PCDHGB3: variants seen among roughly 807,000 people sequenced by gnomAD.
The protein encoded by PCDHGB3 is protocadherin gamma subfamily B, 3.
PCDHGB3 carries 40 observed loss-of-function variants against 59.2 expected under a neutral mutation model. The ratio of observed to expected loss-of-function variants is 0.68; its 90% CI spans 0.52 to 0.88. The LOEUF is 0.88. Ranked by LOEUF, PCDHGB3 falls within the 40% of genes least tolerant of loss-of-function variation. The pLI, the probability that PCDHGB3 is intolerant of heterozygous loss-of-function variation, is 0.00. For missense variants in PCDHGB3, 1,309 were observed against 1,187.9 expected, an observed-to-expected ratio of 1.10 and a Z score of -1.50; for synonymous variants, 581 against 503.6, an observed-to-expected ratio of 1.15 and a Z score of -2.06.
intron 1 of PCDHGB3, chr5:141,413,287 T>C (rs937508313): frequency 6.2e-7 from 1 of 1,613,950 alleles, no homozygotes. Flanking sequence ...GATCTCCTAC[T>C]CAATTCCTGA....
chr5:141,504,180 A>G (rs1195970606), intron 2 of PCDHGB3, among the ~76,000 whole-genome samples: 1 of 152,236 alleles, frequency 6.6e-6, no homozygotes, highest in Non-Finnish European at 1.5e-5. Context: ...ATTCAAAAAA[A>G]TCATGAAAAT....
intron 1 of PCDHGB3, among the ~76,000 whole-genome samples, chr5:141,492,927 G>A (rs925569925): frequency 2.0e-5 from 3 of 152,180 alleles, no homozygotes; most frequent in Admixed American, 6.5e-5. Context: ...AGCGATCTAG[G>A]GTCAGAGATT....
chr5:141,388,712 G>C (rs1345089798), intron 1 of PCDHGB3: 6 of 1,613,868 alleles, frequency 3.7e-6, no homozygotes, highest in Non-Finnish European at 5.1e-6. Flanking sequence ...TCAATGCCGA[G>C]ATTACTTTCT....
In PCDHGB3 at chr5:141,403,923, G is replaced by T. The variant is rs199643799; in HGVS notation, c.2415+31114G>T. 1.2e-3 allele frequency: 1,935 copies of T among 1,613,900 alleles called. 4 individuals carry two copies. Among genetic ancestry groups the T allele is most frequent in the Non-Finnish European group, 1.5e-3 (1,744 of 1,179,882 alleles). On this transcript the variant is annotated intron_variant, in intron 1 of 3. Transcript: ENST00000576222. The stretch of plus-strand genomic sequence containing the variant: ...GAAATGGAAATACAAGCTGAAGATG[G>T]TGGGGGATTGAAAGGGTGGACAAAA...
At chr5:141,433,298 A>G in intron 1 of PCDHGB3, 7 of 1,015,894 alleles carry the variant, frequency 6.9e-6, no homozygotes, top group Non-Finnish European at 1.0e-5. Context: ...GGCTCAAGCA[A>G]TTATCCCACC....
At position 141,402,613 on chromosome 5, in the gene PCDHGB3, A is replaced by G. The variant is rs145557523; in HGVS notation, c.2415+29804A>G. Among the ~76,000 whole-genome samples the G allele has an allele frequency of 3.8e-3, 581 of 152,376 alleles. 6 individuals are homozygous for G. Among genetic ancestry groups the G allele is most frequent in the Admixed American group, 0.011 (170 of 15,298 alleles). The stretch of plus-strand genomic sequence containing the variant: ...AGATTGCTTTTGAAATACAAATGCA[A>G]GAAACAATTGGAGAAATCTAAAATC... On this transcript the variant is annotated intron_variant, in intron 1 of 3. Coordinates refer to ENST00000576222, the MANE Select transcript of PCDHGB3 (RefSeq NM_018924.5).
chr5:141,413,639 G>A (rs893578830), intron 1 of PCDHGB3: 2 of 1,613,854 alleles, frequency 1.2e-6, no homozygotes, highest in Non-Finnish European at 1.7e-6. Context: ...GCGGGAATGC[G>A]TTTTCCTCTC....
intron 1 of PCDHGB3, chr5:141,419,646 C>T (rs1433992932): frequency 6.2e-7 from 1 of 1,612,470 alleles, no homozygotes; most frequent in Admixed American, 1.7e-5. Flanking sequence ...GCCGTGGACG[C>T]GGACTCGGGG....
At chr5:141,500,252 A>G (rs2099798400) in intron 2 of PCDHGB3, among the ~76,000 whole-genome samples, 1 of 151,094 alleles carries the variant, frequency 6.6e-6, no homozygotes, top group East Asian at 1.9e-4. Flanking sequence ...TCTGTCACCC[A>G]GGCTGGACTG....
At chr5:141,386,790 C>T (rs546308515) in intron 1 of PCDHGB3, among the ~76,000 whole-genome samples, 2 of 152,232 alleles carry the variant, frequency 1.3e-5, no homozygotes, top group South Asian at 4.2e-4. Flanking sequence ...AATCTCCTGA[C>T]CAAAATTTAT....
chr5:141,510,252 G>A (rs1342841474), intron 3 of PCDHGB3, among the ~76,000 whole-genome samples: 4 of 148,432 alleles, frequency 2.7e-5, no homozygotes, highest in Admixed American at 1.3e-4. Context: ...CAGGCTGGGC[G>A]ACAGAGCAGG....
rs1348847945 is a variant in PCDHGB3, at chr5:141,493,426, C to G, written c.2416-1381C>G. ...TGCCTCTGCTGGGATTTTGCTTCTG[C>G]TGGGATGGGGCAAGGGTGGGGTTCC... On this transcript the variant is annotated intron_variant, in intron 1 of 3. Transcript: ENST00000576222. The surrounding 1 kb of genome is among the most constrained non-coding windows in gnomAD (Gnocchi z 4.3). Among the ~76,000 whole-genome samples, 2 of 152,144 alleles carry G rather than the reference C, an allele frequency of 1.3e-5. No homozygotes were observed. The highest frequency in any genetic ancestry group is 4.8e-5 in the African/African-American group (2 of 41,424).
At position 141,388,709 on chromosome 5, in the gene PCDHGB3, C is replaced by G. The variant is rs370023698; in HGVS notation, c.2415+15900C>G. On this transcript the variant is annotated intron_variant, in intron 1 of 3. Coordinates refer to ENST00000576222, the MANE Select transcript of PCDHGB3 (RefSeq NM_018924.5). Reference sequence around the variant, plus strand: ...CGGACCAGGATGAGGGTGTCAATGCCGAGATTACTTTCTCTTTCAGTGAAG... The same window carrying G: ...CGGACCAGGATGAGGGTGTCAATGCGGAGATTACTTTCTCTTTCAGTGAAG... 1.4e-5 allele frequency: 22 copies of G among 1,613,938 alleles called. No individual in the cohort carries two copies. In the Admixed American group the frequency reaches 3.7e-4, roughly 27 times the overall value.
At position 141,371,682 on chromosome 5, in the gene PCDHGB3, C is replaced by T. The variant is rs752117459; in HGVS notation, c.1288C>T (p.Pro430Ser). 12 of 1,613,918 alleles carry T rather than the reference C, an allele frequency of 7.4e-6. No homozygotes were observed. In the African/African-American group the frequency reaches 1.6e-4, roughly 22 times the overall value. Residue 430 changes from proline to serine, a missense_variant, in exon 1 of 4, where the codon CCA becomes TCA. Transcript: ENST00000576222. ...VTITATDKGN[P>S]PLSSSKTITL... is the part of the protein sequence containing the mutation. Reference sequence around the variant, plus strand: ...GATCACAGCTACCGACAAAGGCAATCCACCGCTCTCCTCCAGCAAGACCAT... The same window carrying T: ...GATCACAGCTACCGACAAAGGCAATTCACCGCTCTCCTCCAGCAAGACCAT...
At chr5:141,414,064 C>T in intron 1 of PCDHGB3, 1 of 1,607,864 alleles carries the variant, frequency 6.2e-7, no homozygotes, top group Non-Finnish European at 8.5e-7. Context: ...GTTGAAGTTC[C>T]AACTAAACAA....
At chr5:141,381,512 A>T (rs1777240689) in intron 1 of PCDHGB3, among the ~76,000 whole-genome samples, 1 of 152,218 alleles carries the variant, frequency 6.6e-6, no homozygotes, top group Non-Finnish European at 1.5e-5. Context: ...ATAGAGTAGG[A>T]TGAAGATTTG....
At position 141,415,520 on chromosome 5, in the gene PCDHGB3, C is replaced by A. The variant is rs200535016; in HGVS notation, c.2415+42711C>A. The A allele has an allele frequency of 1.8e-4, 288 of 1,614,072 alleles. 3 individuals carry two copies. The highest frequency in any genetic ancestry group is 6.7e-5 in the Non-Finnish European group (79 of 1,180,044). On this transcript the variant is annotated intron_variant, in intron 1 of 3. Coordinates refer to ENST00000576222, the MANE Select transcript of PCDHGB3 (RefSeq NM_018924.5). Reference sequence around the variant, plus strand: ...TTCCCCCAGCCCAATTATGCGGACACGCTCATCAGCCAGGAGAGCTGTGAG... The same window carrying A: ...TTCCCCCAGCCCAATTATGCGGACAAGCTCATCAGCCAGGAGAGCTGTGAG...
At chr5:141,458,662 C>T (rs948275548) in intron 1 of PCDHGB3, among the ~76,000 whole-genome samples, 3 of 152,064 alleles carry the variant, frequency 2.0e-5, no homozygotes, top group East Asian at 1.9e-4. Flanking sequence ...CTCCACCTCT[C>T]GGGTTCAAGC....
intron 1 of PCDHGB3, chr5:141,385,477 T>C: frequency 7.0e-7 from 1 of 1,433,254 alleles, no homozygotes; most frequent in Non-Finnish European, 9.1e-7. Context: ...GACACTTTAA[T>C]ATAGAACACA....
Sources: gnomAD v4.1 joint callset for allele counts (sites outside exome capture counted in the v4.1 genomes callset) on GRCh38, gnomAD v4.1.1 for gene constraint, Gnocchi (gnomAD v3.1) non-coding constraint, MANE v1.5 for transcripts, NCBI Gene and HGNC (gene_info 2026-07-23, HGNC 2026-07-21) for gene names.